The following CPLANE1 variants were observed in gnomAD, a reference collection of about 807,000 sequenced individuals.
CPLANE1 encodes the protein ciliogenesis and planar polarity effector 1.
In CPLANE1, 263 loss-of-function variants were observed where a neutral mutation model predicts 362.5. The observed-to-expected ratio is 0.73, with a 90% CI of 0.66 to 0.80. The LOEUF is 0.80. CPLANE1 is among the 30% of genes least tolerant of loss of function. The probability of loss-of-function intolerance (pLI) is 0.00; values close to 1 mark genes in which losing one functional copy is unlikely to be tolerated. For synonymous variants in CPLANE1, 1,212 were observed against 1,302.6 expected, an observed-to-expected ratio of 0.93 and a Z score of 1.50; for missense variants, 3,461 against 3,793.4, an observed-to-expected ratio of 0.91 and a Z score of 2.30.
intron 15 of CPLANE1, 119 bp downstream of exon 15, chr5:37,221,181 ACATACTGCATTCTGTAGTCCTAGC>A: frequency 2.0e-6 from 1 of 489,416 alleles, no homozygotes; most frequent in Non-Finnish European, 3.6e-6. Flanking sequence ...TAACAAGTAA[ACATACTGCATTCTGTAGTCCTAGC>A]CACTTGAGGC....
chr5:37,183,333 A>C lies in CPLANE1; in HGVS notation c.4848T>G (p.Gly1616=). 1 of 1,613,152 alleles carries C rather than the reference A, an allele frequency of 6.2e-7. No individual in the cohort carries two copies. Among genetic ancestry groups the C allele is most frequent in the Non-Finnish European group, 8.5e-7 (1 of 1,179,742 alleles). The change falls in exon 26 of 53, where the codon GGT becomes GGG. Residue 1616 remains glycine (G), a synonymous_variant. Transcript: ENST00000651892. ...ACTCAGGAGCAACAACAAAGCAAGAACCAGCTCTAAACACATTCTGGCTTT... is the reference window on the plus strand; with the variant it reads ...ACTCAGGAGCAACAACAAAGCAAGACCCAGCTCTAAACACATTCTGGCTTT... The part of the protein sequence containing the change: ...KTKSQNVFRA[G]SCFVVAPESY...
chr5:37,141,108 T>C (rs2150389754), intron 44 of CPLANE1: 1 of 985,446 alleles, frequency 1.0e-6, no homozygotes, highest in Admixed American at 6.1e-5. Context: ...GTTTCTTCTA[T>C]TTCTTTCCCA....
At chr5:37,198,681 A>T (rs1280543002) in intron 20 of CPLANE1, 21 bp downstream of exon 20, 1 of 1,601,326 alleles carries the variant, frequency 6.2e-7, no homozygotes, top group Admixed American at 1.7e-5. Flanking sequence ...CAGCATGTAA[A>T]TGACTAAGAT....
In CPLANE1 at chr5:37,141,628, T is replaced by C. The variant is rs13360990; in HGVS notation, c.8632+682A>G. On this transcript the variant is annotated intron_variant, in intron 44 of 52. Coordinates refer to ENST00000651892, the MANE Select transcript of CPLANE1 (RefSeq NM_001384732.1). ...ACTTTAATAATGGTAATAGAACATA[T>C]ACTAAACACTCAGTAAAATCATTTT... 1.5e-3 allele frequency: 1,485 copies of C among 970,454 alleles called. 19 individuals carry two copies. In the African/African-American group the frequency reaches 0.024, roughly 16 times the overall value. 60.1% of individuals were successfully genotyped at this position (970,454 alleles called of 1,614,324 possible). A position where few individuals can be genotyped will look rare whatever the true frequency, so the allele number is the denominator to read the frequency against.
chr5:37,231,654 G>T (rs975142887), intron 8 of CPLANE1, among the ~76,000 whole-genome samples: 1 of 152,124 alleles, frequency 6.6e-6, no homozygotes. Flanking sequence ...TCTACTGATA[G>T]ATTTCAAGGC....
In CPLANE1 at chr5:37,111,367, G is replaced by T. The variant is rs561813752; in HGVS notation, c.9401-2896C>A. ...TCTTGATCTCCTGACCTCATGATCC[G>T]CCCGCCTCGGCCTCCCAAAGTGCTG... On this transcript the variant is annotated intron_variant, in intron 51 of 52. Coordinates refer to ENST00000651892, the MANE Select transcript of CPLANE1 (RefSeq NM_001384732.1). Among the ~76,000 whole-genome samples the T allele has an allele frequency of 7.9e-5, 12 of 151,800 alleles. No homozygotes were observed. In the South Asian group the frequency reaches 2.3e-3, roughly 29 times the overall value.
intron 44 of CPLANE1, 29 bp from the exon 45 acceptor site, chr5:37,139,399 T>G (rs749464494): frequency 7.0e-6 from 8 of 1,137,240 alleles, no homozygotes; most frequent in Middle Eastern, 4.5e-4. Context: ...TTAATAAAAA[T>G]TTTGGGTTTT....
At position 37,205,282 on chromosome 5, in the gene CPLANE1, T is replaced by G. The variant is rs1231671465; in HGVS notation, c.3289+33A>C. ...AGGTATTATAAGGTTTATATTAATC[T>G]GACACGAATCAGACTATACATACAT... On this transcript the variant is annotated intron_variant, in intron 18 of 52. Coordinates refer to ENST00000651892, the MANE Select transcript of CPLANE1 (RefSeq NM_001384732.1). 2.7e-6 allele frequency: 4 copies of G among 1,496,256 alleles called. No homozygotes were observed. The East Asian group carries it at 1.0e-4, about 37-fold the overall frequency. The allele number at this position is 1,496,256 out of a possible 1,614,324, so 92.7% of individuals were successfully genotyped here.
intron 21 of CPLANE1, among the ~76,000 whole-genome samples, chr5:37,188,696 T>G (rs1784676821): frequency 6.6e-6 from 1 of 152,304 alleles, no homozygotes; most frequent in Middle Eastern, 3.4e-3. Flanking sequence ...GAAATCATTA[T>G]ATGAAAAAGA....
rs543205469 is a variant in CPLANE1 at position 37,174,056 on chromosome 5, G to T, written c.5979-109C>A. The T allele has an allele frequency of 4.3e-6, 4 of 925,616 alleles. No individual in the cohort carries two copies. In the East Asian group the frequency reaches 7.9e-5, roughly 18 times the overall value. 57.3% of individuals were successfully genotyped at this position (925,616 alleles called of 1,614,324 possible). A position where few individuals can be genotyped will look rare whatever the true frequency, so the allele number is the denominator to read the frequency against. On this transcript the variant is annotated intron_variant, in intron 31 of 52. Transcript: ENST00000651892. ...CCCACTTTTGTCTTCCAATTTAAAG[G>T]TTATTCTAGTAGTTTTCTAGAAATT... is the stretch of plus-strand genomic sequence containing the variant.
intron 51 of CPLANE1, among the ~76,000 whole-genome samples, chr5:37,114,281 T>A (rs1490699547): frequency 6.6e-6 from 1 of 152,214 alleles, no homozygotes; most frequent in Non-Finnish European, 1.5e-5. Context: ...ACCTGTTAGC[T>A]ACTATTGTTA....
At chr5:37,154,135 T>C in intron 41 of CPLANE1, 142 bp from the exon 42 acceptor site, 2 of 645,912 alleles carry the variant, frequency 3.1e-6, no homozygotes, top group South Asian at 5.6e-5. Flanking sequence ...ACCTAAAAAT[T>C]CCTTTTCAGC....
intron 15 of CPLANE1, among the ~76,000 whole-genome samples, chr5:37,218,311 T>G (rs1423258748): frequency 6.6e-6 from 1 of 152,154 alleles, no homozygotes; most frequent in East Asian, 1.9e-4. Flanking sequence ...GCCCCCCAAT[T>G]AAAAACCCTG....
At chr5:37,158,877 C>T (rs1775989332) in intron 38 of CPLANE1, among the ~76,000 whole-genome samples, 1 of 151,390 alleles carries the variant, frequency 6.6e-6, no homozygotes, top group South Asian at 2.1e-4. Flanking sequence ...CAACCTCCAC[C>T]TCCCGGGTTC....
At chr5:37,243,305 T>C in intron 5 of CPLANE1, among the ~76,000 whole-genome samples, 186 bp from the exon 6 acceptor site, 1 of 152,116 alleles carries the variant, frequency 6.6e-6, no homozygotes, top group Admixed American at 6.6e-5. Flanking sequence ...AGGTCTCAAA[T>C]GGGTAATCAG....
At chr5:37,169,667 TAA>T (rs951437682) in intron 33 of CPLANE1, 106 bp from the exon 34 acceptor site, 10 of 671,598 alleles carry the variant, frequency 1.5e-5, no homozygotes, top group African/African-American at 9.5e-5. Flanking sequence ...TAGTAACTGC[TAA>T]AAAAAAAAAT....
the CPLANE1 span, among the ~76,000 whole-genome samples, chr5:37,076,408 T>G: frequency 6.6e-6 from 1 of 152,148 alleles, no homozygotes. Context: ...GCCTCCCAGA[T>G]TCAAGTGATT....
At chr5:37,104,347 C>T (rs1392398792), downstream of CPLANE1, among the ~76,000 whole-genome samples, 1 of 152,164 alleles carries the variant, frequency 6.6e-6, no homozygotes, top group African/African-American at 2.4e-5. Flanking sequence ...CCTGTAATCC[C>T]AGCACTTTGG....
chr5:37,146,271 T>A (rs191161968), intron 43 of CPLANE1, among the ~76,000 whole-genome samples: 1 of 151,982 alleles, frequency 6.6e-6, no homozygotes, highest in Non-Finnish European at 1.5e-5. Context: ...CTCCGCCTCC[T>A]GAGTTCAAGC....
Sources: allele counts gnomAD v4.1 joint callset (sites outside exome capture counted in the v4.1 genomes callset), GRCh38; gene constraint gnomAD v4.1.1; transcripts MANE v1.5; gene names NCBI Gene and HGNC (gene_info 2026-07-23, HGNC 2026-07-21).